The following RALGAPB variants were observed in gnomAD, a reference collection of about 807,000 sequenced individuals.
RALGAPB encodes the protein Ral GTPase activating protein non-catalytic subunit beta.
Under a neutral mutation model 161.1 loss-of-function variants are expected in RALGAPB, and 25 were observed. The ratio of observed to expected loss-of-function variants is 0.16; its 90% CI spans 0.11 to 0.22. The LOEUF (loss-of-function observed/expected upper bound fraction) is 0.22. Ranked by LOEUF, RALGAPB falls within the 10% of genes least tolerant of loss-of-function variation. The pLI is 1.00. For missense variants in RALGAPB, 1,391 were observed against 1,815.2 expected, an observed-to-expected ratio of 0.77 and a Z score of 4.25; for synonymous variants, 629 against 626.1, an observed-to-expected ratio of 1.00 and a Z score of -0.07.
chr20:38,485,653 C>T (rs1284973050), intron 1 of RALGAPB, among the ~76,000 whole-genome samples: 1 of 152,140 alleles, frequency 6.6e-6, no homozygotes, highest in Non-Finnish European at 1.5e-5. Flanking sequence ...TCTCAAACTC[C>T]TGACCTCAGG....
intron 26 of RALGAPB, 145 bp downstream of exon 26, chr20:38,567,377 T>C (rs2088045740): frequency 1.7e-6 from 2 of 1,188,066 alleles, no homozygotes; most frequent in South Asian, 2.3e-5. Flanking sequence ...AATAAAATTC[T>C]CACGATTTTC....
intron 5 of RALGAPB, among the ~76,000 whole-genome samples, chr20:38,507,383 G>GT (rs2085793603): frequency 6.6e-6 from 1 of 151,606 alleles, no homozygotes; most frequent in Admixed American, 6.6e-5. Context: ...TGTTATTTTT[G>GT]TTTTTTTGAG....
chr20:38,481,065 T>A (rs147104390), intron 1 of RALGAPB, among the ~76,000 whole-genome samples: 9 of 152,050 alleles, frequency 5.9e-5, no homozygotes, highest in Admixed American at 4.6e-4. Context: ...CTCAGTCTTA[T>A]CACCTCAATT....
At chr20:38,508,069 C>T (rs889887120) in intron 5 of RALGAPB, among the ~76,000 whole-genome samples, 2 of 150,870 alleles carry the variant, frequency 1.3e-5, no homozygotes, top group Admixed American at 6.6e-5. Flanking sequence ...CAGAAATTTG[C>T]AGTGAGATGA....
At position 38,553,986 on chromosome 20, in the gene RALGAPB, G is replaced by A. The variant is rs769037416; in HGVS notation, c.3282G>A (p.Thr1094=). The part of the protein sequence containing the change: ...LQKRSFPDPV[T]DCKPPPPAQE... Reference sequence around the variant, plus strand: ...AGAGAAGTTTTCCTGACCCAGTTACGGATTGCAAGCCCCCGCCTCCTGCCC... The same window carrying A: ...AGAGAAGTTTTCCTGACCCAGTTACAGATTGCAAGCCCCCGCCTCCTGCCC... Residue 1094 remains threonine (T), a synonymous_variant, in exon 22 of 30, where the codon ACG becomes ACA. Transcript: ENST00000262879. The A allele has an allele frequency of 6.2e-6, 10 of 1,613,560 alleles. No individual in the cohort carries two copies. Among genetic ancestry groups the A allele is most frequent in the African/African-American group, 2.7e-5 (2 of 74,814 alleles).
At chr20:38,570,714 A>T (rs1178658402) in intron 27 of RALGAPB, 55 bp from the exon 28 acceptor site, 1 of 1,139,484 alleles carries the variant, frequency 8.8e-7, no homozygotes, top group Non-Finnish European at 1.3e-6. Flanking sequence ...ATTTCCTATT[A>T]TCTGTTTGGG....
At chr20:38,550,205 TAGTG>T (rs2087327300) in intron 20 of RALGAPB, among the ~76,000 whole-genome samples, 2 of 152,168 alleles carry the variant, frequency 1.3e-5, no homozygotes, top group Admixed American at 1.3e-4. Flanking sequence ...GATGACGAGT[TAGTG>T]GGTGCAGCGC....
chr20:38,483,182 C>G lies in RALGAPB; in HGVS notation c.-30-5221C>G, dbSNP rs555783510. 3.3e-5 allele frequency among the ~76,000 whole-genome samples: 5 copies of G among 152,354 alleles called. No homozygotes were observed. In the East Asian group the frequency reaches 9.6e-4, roughly 29 times the overall value. On this transcript the variant is annotated intron_variant, in intron 1 of 29. Transcript: ENST00000262879. ...GGGATTATAGGCGTGAGCCACCATA[C>G]CTGGCCTTATTCTATTATTATCCCC...
Position 38,499,559 on chromosome 20 carries a change from G to C in RALGAPB, c.666G>C (p.Glu222Asp), listed in dbSNP as rs760378902. ...PTPPYWKTAK[E>D]MVANWRHHPA... ...CTCCTTATTGGAAAACAGCCAAGGAGATGGTGGCTAACTGGAGGCATCACC... is the reference window on the plus strand; with the variant it reads ...CTCCTTATTGGAAAACAGCCAAGGACATGGTGGCTAACTGGAGGCATCACC... The change falls in exon 5 of 30, where the codon GAG becomes GAC. Residue 222 changes from glutamate (E) to aspartate (D), a missense_variant. Physicochemically the swap from Glu to Asp is conservative, Grantham distance 45 (BLOSUM62 2). Around this residue, in one of 3 missense-constraint regions of RALGAPB, gnomAD observed 946 missense variants for 1,257.2 expected, o/e 0.75. Coordinates refer to ENST00000262879, the MANE Select transcript of RALGAPB (RefSeq NM_020336.4). 1 of 1,614,042 alleles carries C rather than the reference G, an allele frequency of 6.2e-7. No individual in the cohort carries two copies. The highest frequency in any genetic ancestry group is 1.1e-5 in the South Asian group (1 of 91,080).
intron 3 of RALGAPB, among the ~76,000 whole-genome samples, chr20:38,494,806 C>T (rs1318751941): frequency 6.6e-6 from 1 of 152,174 alleles, no homozygotes; most frequent in Admixed American, 6.5e-5. Flanking sequence ...AGTATTGTCA[C>T]TGTGTCTCTT....
intron 24 of RALGAPB, among the ~76,000 whole-genome samples, chr20:38,564,554 T>G (rs1186437426): frequency 6.6e-6 from 1 of 152,202 alleles, no homozygotes; most frequent in Non-Finnish European, 1.5e-5. Flanking sequence ...CCCTTTCCAA[T>G]TTTTGGTCCG....
At chr20:38,475,601 C>G (rs1242182256) in intron 1 of RALGAPB, among the ~76,000 whole-genome samples, 1 of 151,018 alleles carries the variant, frequency 6.6e-6, no homozygotes, top group Non-Finnish European at 1.5e-5. Context: ...AAACACATTT[C>G]ATAAAATTTT....
At chr20:38,564,234 G>A (rs6100241) in intron 24 of RALGAPB, among the ~76,000 whole-genome samples, 11,138 of 152,172 alleles carry the variant, frequency 0.073, 1,426 homozygotes, top group African/African-American at 0.25. Context: ...CCCTGTTTTT[G>A]TAAATAAAGT....
At chr20:38,511,208 A>G (rs144717675) in intron 6 of RALGAPB, among the ~76,000 whole-genome samples, 86 of 152,326 alleles carry the variant, frequency 5.6e-4, no homozygotes, top group African/African-American at 1.8e-3. Flanking sequence ...AAGAGAACAG[A>G]GAAGAAAAGA....
intron 18 of RALGAPB, among the ~76,000 whole-genome samples, chr20:38,545,020 C>T (rs2087115682): frequency 6.6e-6 from 1 of 152,098 alleles, no homozygotes; most frequent in African/African-American, 2.4e-5. Context: ...CTAAGATTTA[C>T]CTCATTATTT....
chr20:38,546,194 T>C (rs754983772), intron 18 of RALGAPB, 49 bp from the exon 19 acceptor site: 1 of 1,610,072 alleles, frequency 6.2e-7, no homozygotes, highest in Non-Finnish European at 8.5e-7. Flanking sequence ...CAAGGTAAAC[T>C]GAAGATTTTG....
chr20:38,525,986 T>C lies in RALGAPB; in HGVS notation c.1994T>C (p.Ile665Thr), dbSNP rs952475070. 6.2e-7 allele frequency: 1 copy of C among 1,614,010 alleles called. No individual in the cohort carries two copies. The highest frequency in any genetic ancestry group is 8.5e-7 in the Non-Finnish European group (1 of 1,179,904). The change falls in exon 13 of 30, where the codon ATA (isoleucine) becomes ACA (threonine). Residue 665 changes from isoleucine to threonine, a missense_variant. By Grantham distance (89) the Ile-to-Thr change is moderately conservative. Transcript: ENST00000262879. ...FLSLKLRLVN[I>T]LIGALQTETD... Reference sequence around the variant, plus strand: ...TCCCTGAAGTTGAGACTTGTGAATATATTAATAGGTGCCTTGCAAACTGAA... The same window carrying C: ...TCCCTGAAGTTGAGACTTGTGAATACATTAATAGGTGCCTTGCAAACTGAA...
intron 1 of RALGAPB, among the ~76,000 whole-genome samples, chr20:38,487,115 A>G (rs748168378): frequency 2.2e-4 from 34 of 152,218 alleles, no homozygotes; most frequent in Non-Finnish European, 4.0e-4. Context: ...AAGGCTGAGT[A>G]CTTCATAAGA....
chr20:38,481,110 A>G (rs773630990), intron 1 of RALGAPB, among the ~76,000 whole-genome samples: 4 of 151,988 alleles, frequency 2.6e-5, no homozygotes, highest in African/African-American at 9.7e-5. Context: ...CCTTCCTTCA[A>G]TGCACAATTC....
Sources: allele counts gnomAD v4.1 joint callset (sites outside exome capture counted in the v4.1 genomes callset), GRCh38; gene constraint gnomAD v4.1.1; regional missense constraint gnomAD v4.1.1; transcripts MANE v1.5; gene names NCBI Gene and HGNC (gene_info 2026-07-23, HGNC 2026-07-21).